The following PTK2 variants were observed in gnomAD, a reference collection of about 807,000 sequenced individuals.
The protein encoded by PTK2 is focal adhesion kinase 1.
Under a neutral mutation model 150.1 loss-of-function variants are expected in PTK2, and 45 were observed. The observed-to-expected ratio is 0.30, with a 90% CI of 0.24 to 0.38. PTK2 has a LOEUF of 0.38. Ranked by LOEUF, PTK2 falls within the 10% of genes least tolerant of loss-of-function variation. The probability of loss-of-function intolerance (pLI) is 1.00; values close to 1 mark genes in which losing one functional copy is unlikely to be tolerated. For missense variants in PTK2, 919 were observed against 1,307.3 expected (o/e 0.70, Z 4.58); for synonymous variants, 432 against 449.2 (o/e 0.96, Z 0.48).
At chr8:140,949,979 G>C (rs2100178972) in intron 1 of PTK2, among the ~76,000 whole-genome samples, 2 of 113,384 alleles carry the variant, frequency 1.8e-5, no homozygotes, top group African/African-American at 6.4e-5. Context: ...GACTCAGAGA[G>C]ATGTTAGCAC....
chr8:140,869,976 A>G (rs2100141592), intron 4 of PTK2, among the ~76,000 whole-genome samples: 1 of 152,192 alleles, frequency 6.6e-6, no homozygotes, highest in African/African-American at 2.4e-5. Context: ...AATACATTAA[A>G]TGTCACTTTT....
At chr8:140,834,071 G>A (rs781059092) in intron 7 of PTK2, among the ~76,000 whole-genome samples, 2 of 152,198 alleles carry the variant, frequency 1.3e-5, no homozygotes, top group Non-Finnish European at 2.9e-5. Flanking sequence ...AGTCCCATGT[G>A]GCTAGAGGCT....
At chr8:140,841,031 G>A (rs2100122013) in intron 7 of PTK2, among the ~76,000 whole-genome samples, 1 of 152,034 alleles carries the variant, frequency 6.6e-6, no homozygotes, top group Non-Finnish European at 1.5e-5. Flanking sequence ...TACCAAGAAG[G>A]TATATTGTTC....
At chr8:140,924,831 A>C (rs1036302130) in intron 2 of PTK2, among the ~76,000 whole-genome samples, 21 of 152,246 alleles carry the variant, frequency 1.4e-4, no homozygotes, top group Non-Finnish European at 2.6e-4. Flanking sequence ...TACTATTAAA[A>C]CTTTCACCGC....
intron 18 of PTK2, 92 bp from the exon 22 acceptor site, chr8:140,744,859 A>G: frequency 1.6e-6 from 1 of 618,612 alleles, no homozygotes; most frequent in Middle Eastern, 4.5e-4. Flanking sequence ...TTCAACAATA[A>G]TGCTGTTTTC....
intron 1 of PTK2, among the ~76,000 whole-genome samples, chr8:140,991,047 G>C (rs567345848): frequency 1.6e-4 from 25 of 152,232 alleles, no homozygotes; most frequent in African/African-American, 5.1e-4. Flanking sequence ...GCCAAGTTAT[G>C]CGTCTAATTC....
upstream of PTK2, among the ~76,000 whole-genome samples, chr8:141,001,669 A>G (rs2100200296): frequency 6.6e-6 from 1 of 151,990 alleles, no homozygotes; most frequent in African/African-American, 2.4e-5. Context: ...CAAATCCCGA[A>G]GGGGTCCCCT....
intron 2 of PTK2, among the ~76,000 whole-genome samples, chr8:140,894,430 A>G (rs557572009): frequency 5.9e-5 from 9 of 152,378 alleles, no homozygotes; most frequent in African/African-American, 1.9e-4. Flanking sequence ...ATACATATGC[A>G]TAAGGTTATT....
At chr8:140,893,292 CAGAA>C (rs1197561657) in intron 2 of PTK2, among the ~76,000 whole-genome samples, 3 of 152,156 alleles carry the variant, frequency 2.0e-5, no homozygotes, top group Admixed American at 1.3e-4. Flanking sequence ...GCTTGGGCGA[CAGAA>C]AGAGACCCTG....
intron 4 of PTK2, among the ~76,000 whole-genome samples, chr8:140,872,393 C>A (rs2100143062): frequency 6.6e-6 from 1 of 152,176 alleles, no homozygotes; most frequent in African/African-American, 2.4e-5. Flanking sequence ...TTATAGCCTA[C>A]ATTATACAAT....
intron 1 of PTK2, 46 bp from the exon 2 acceptor site, chr8:140,925,795 T>A (rs546604277): frequency 2.2e-4 from 63 of 288,080 alleles, no homozygotes; most frequent in Non-Finnish European, 3.0e-4. Flanking sequence ...CTTCAGTTTC[T>A]TCATCAGCAA....
At chr8:140,894,894 A>C (rs1362057019) in intron 2 of PTK2, among the ~76,000 whole-genome samples, 3 of 152,216 alleles carry the variant, frequency 2.0e-5, no homozygotes, top group African/African-American at 2.4e-5. Flanking sequence ...AACAAATCTG[A>C]TCTAATTGAC....
chr8:140,882,492 A>C (rs2100149757), intron 3 of PTK2, among the ~76,000 whole-genome samples: 1 of 152,208 alleles, frequency 6.6e-6, no homozygotes, highest in Admixed American at 6.5e-5. Context: ...GTCCTATGAA[A>C]TACAAAACAA....
At chr8:140,772,018 AC>A (rs1407968735) in intron 14 of PTK2, among the ~76,000 whole-genome samples, 1 of 150,700 alleles carries the variant, frequency 6.6e-6, no homozygotes, top group Non-Finnish European at 1.5e-5. Flanking sequence ...CAAATTCCTG[AC>A]CTCAGGTGAT....
intron 2 of PTK2, among the ~76,000 whole-genome samples, chr8:140,908,824 G>A (rs140374616): frequency 2.0e-4 from 30 of 152,298 alleles, no homozygotes; most frequent in African/African-American, 7.0e-4. Context: ...CAGAAGCCAA[G>A]GAGAGAGAAA....
chr8:140,681,516 A>G (rs941382904), intron 27 of PTK2, among the ~76,000 whole-genome samples: 6 of 152,058 alleles, frequency 3.9e-5, no homozygotes, highest in African/African-American at 1.5e-4. Context: ...TCACGCCTGG[A>G]ATCCCAGCAC....
chr8:140,692,641 CA>C (rs67640984), intron 26 of PTK2, among the ~76,000 whole-genome samples: 69,527 of 144,180 alleles, frequency 0.48, 16,023 homozygotes, highest in Middle Eastern at 0.53. Context: ...ACAAACAAGC[CA>C]AAAAAAAAAA....
At position 140,825,876 on chromosome 8, in the gene PTK2, A is replaced by G. The variant is rs113516703; in HGVS notation, c.648+4596T>C. 5.5e-3 allele frequency among the ~76,000 whole-genome samples: 843 copies of G among 152,374 alleles called. 11 individuals carry two copies. The highest frequency in any genetic ancestry group is 0.019 in the African/African-American group (770 of 41,584). ...TTGGGTTTGACAGTTTTACTGGTACAGTGAATTTTTAAATGTGTCTTTAAA... is the reference window on the plus strand; with the variant it reads ...TTGGGTTTGACAGTTTTACTGGTACGGTGAATTTTTAAATGTGTCTTTAAA... On this transcript the variant is annotated intron_variant, in intron 8 of 31. Transcript: ENST00000522684.
intron 7 of PTK2, among the ~76,000 whole-genome samples, chr8:140,836,255 T>A (rs1030248466): frequency 6.6e-6 from 1 of 152,206 alleles, no homozygotes; most frequent in African/African-American, 2.4e-5. Context: ...TTTCACTTTA[T>A]GTCGTTTCAC....
Sources: gnomAD v4.1 joint callset for allele counts (sites outside exome capture counted in the v4.1 genomes callset) on GRCh38, gnomAD v4.1.1 for gene constraint, MANE v1.5 for transcripts, NCBI Gene and HGNC (gene_info 2026-07-23, HGNC 2026-07-21) for gene names.